The following ATL3 variants were observed in gnomAD, a reference collection of about 807,000 sequenced individuals.
ATL3 encodes the protein atlastin GTPase 3, also known as atlastin-3.
Under a neutral mutation model 69.5 loss-of-function variants are expected in ATL3, and 49 were observed. That is an observed-to-expected ratio of 0.71 (90% confidence interval 0.56 to 0.89). The LOEUF is 0.89. Ranked by LOEUF, ATL3 falls within the 40% of genes least tolerant of loss-of-function variation. The probability of loss-of-function intolerance (pLI) is 0.00; values close to 1 mark genes in which losing one functional copy is unlikely to be tolerated. For missense variants in ATL3, 606 were observed against 645.7 expected, an observed-to-expected ratio of 0.94 and a Z score of 0.67; for synonymous variants, 214 against 224.1, an observed-to-expected ratio of 0.95 and a Z score of 0.40.
rs752427656 is a variant in ATL3 at position 63,631,409 on chromosome 11, G to T, written c.1170C>A (p.Phe390Leu). ...TAAAATGGTCCAGAGCAAGTTGTTT[G>T]AATTCACAGTGCTTCTCCTCTAGAA... ...PDILEEKHCE[F>L]KQLALDHFKK... The change falls in exon 12 of 13, where the codon TTC becomes TTA. Residue 390 changes from phenylalanine to leucine, a missense_variant. Transcript: ENST00000398868. 1.2e-6 allele frequency: 2 copies of T among 1,614,104 alleles called. No homozygotes were observed. Among genetic ancestry groups the T allele is most frequent in the Non-Finnish European group, 1.7e-6 (2 of 1,180,030 alleles).
chr11:63,636,374 C>G (rs1365533845), intron 8 of ATL3, 40 bp from the exon 9 acceptor site: 1 of 1,612,556 alleles, frequency 6.2e-7, no homozygotes, highest in African/African-American at 1.3e-5. Context: ...ATAAGCCAAA[C>G]AGCCTTATTC....
At chr11:63,638,722 C>CA (rs1448949500) in intron 8 of ATL3, among the ~76,000 whole-genome samples, 6 of 143,072 alleles carry the variant, frequency 4.2e-5, no homozygotes, top group African/African-American at 1.0e-4. Flanking sequence ...AAAAACAAAA[C>CA]AAAACAAAAA....
intron 3 of ATL3, among the ~76,000 whole-genome samples, chr11:63,655,906 T>C (rs1183108199): frequency 6.6e-6 from 1 of 151,986 alleles, no homozygotes; most frequent in East Asian, 1.9e-4. Flanking sequence ...TTCAAGAAGC[T>C]CAACAAAACC....
At chr11:63,653,148 C>T (rs762721622) in intron 3 of ATL3, among the ~76,000 whole-genome samples, 1 of 151,840 alleles carries the variant, frequency 6.6e-6, no homozygotes, top group Non-Finnish European at 1.5e-5. Context: ...CTGGCCAACA[C>T]GGTGAAATCG....
At chr11:63,640,112 G>A (rs1565272877) in intron 8 of ATL3, among the ~76,000 whole-genome samples, 2 of 152,180 alleles carry the variant, frequency 1.3e-5, no homozygotes, top group East Asian at 3.9e-4. Flanking sequence ...ATTTTTAGTA[G>A]CGATGGGGTT....
At chr11:63,636,888 T>G (rs1939536496) in intron 8 of ATL3, among the ~76,000 whole-genome samples, 1 of 152,234 alleles carries the variant, frequency 6.6e-6, no homozygotes, top group African/African-American at 2.4e-5. Flanking sequence ...CTTCTCTAGT[T>G]CAAAATAGAA....
At chr11:63,639,008 T>C (rs1223425337) in intron 8 of ATL3, among the ~76,000 whole-genome samples, 2 of 152,232 alleles carry the variant, frequency 1.3e-5, no homozygotes, top group Admixed American at 6.5e-5. Flanking sequence ...CTCAGGCTAA[T>C]GTCTTTTCCA....
intron 7 of ATL3, 125 bp downstream of exon 7, chr11:63,644,044 A>C: frequency 1.6e-6 from 1 of 642,038 alleles, no homozygotes; most frequent in Non-Finnish European, 2.7e-6. Flanking sequence ...TTGTGTTAAG[A>C]TTCATATATA....
intron 1 of ATL3, among the ~76,000 whole-genome samples, chr11:63,661,929 C>A (rs1327611765): frequency 6.6e-6 from 1 of 150,400 alleles, no homozygotes; most frequent in South Asian, 2.1e-4. Flanking sequence ...GAAATTCATT[C>A]AGGCTAGACA....
At chr11:63,642,902 C>T (rs1031839677) in intron 8 of ATL3, among the ~76,000 whole-genome samples, 2 of 152,224 alleles carry the variant, frequency 1.3e-5, no homozygotes, top group South Asian at 4.1e-4. Context: ...GTCCCAACTA[C>T]GATTCCTCTC....
At position 63,629,327 on chromosome 11, in the gene ATL3, CT is replaced by C. The variant is rs1565266399; in HGVS notation, c.1617del (p.Ala540LeufsTer7). 1 of 1,613,834 alleles carries C rather than the reference CT, an allele frequency of 6.2e-7. No individual in the cohort carries two copies. Among genetic ancestry groups the C allele is most frequent in the Non-Finnish European group, 8.5e-7 (1 of 1,179,794 alleles). ...AVVGRPSMDK[K>X]AQ ...ATCTTCACGTTAAGATGCTATTGAGCTTTTTTATCCATGGATGGTCTTCCAA... is the reference window on the plus strand; with the variant it reads ...ATCTTCACGTTAAGATGCTATTGAGCTTTTTATCCATGGATGGTCTTCCAA... On this transcript the variant is annotated frameshift_variant, in exon 13 of 13. Coordinates refer to ENST00000398868, the MANE Select transcript of ATL3 (RefSeq NM_015459.5). LOFTEE classifies it high-confidence loss of function.
At position 63,671,159 on chromosome 11, in the gene ATL3, G is replaced by T. The variant is rs955582450; in HGVS notation, c.46+131C>A. Reference sequence around the variant, plus strand: ...ACAAATTCGGAAACCGAGTGACCCCGGCGAGGGACGCGCGGTCCCAGCCCC... The same window carrying T: ...ACAAATTCGGAAACCGAGTGACCCCTGCGAGGGACGCGCGGTCCCAGCCCC... On this transcript the variant is annotated intron_variant, in intron 1 of 12. Coordinates refer to ENST00000398868, the MANE Select transcript of ATL3 (RefSeq NM_015459.5). The T allele has an allele frequency of 2.4e-5, 33 of 1,402,330 alleles. 1 individual carries two copies. Among genetic ancestry groups the T allele is most frequent in the Middle Eastern group, 5.2e-4 (2 of 3,824 alleles). The allele number at this position is 1,402,330 out of a possible 1,614,324, so 86.9% of individuals were successfully genotyped here.
chr11:63,637,896 AC>A (rs1258429101), intron 8 of ATL3, among the ~76,000 whole-genome samples: 1 of 152,260 alleles, frequency 6.6e-6, no homozygotes, highest in African/African-American at 2.4e-5. Context: ...GTACACATTC[AC>A]ATTTGCTTTC....
chr11:63,633,220 G>T (rs1939385763), intron 10 of ATL3, 123 bp from the exon 11 acceptor site: 3 of 768,352 alleles, frequency 3.9e-6, no homozygotes, highest in Non-Finnish European at 6.4e-6. Context: ...TATTTTTCTA[G>T]ATTTCCATAT....
Position 63,658,813 on chromosome 11 carries a change from C to T in ATL3, c.353G>A (p.Gly118Glu). The change falls in exon 3 of 13, where the codon GGG (glycine) becomes GAG (glutamate). Residue 118 changes from glycine to glutamate, a missense_variant. Physicochemically the swap from Gly to Glu is moderately conservative, Grantham distance 98. Coordinates refer to ENST00000398868, the MANE Select transcript of ATL3 (RefSeq NM_015459.5). ...GAAAACTTCACTCCAGATTTGAATCCCAGTGGTTTCTGGATCAGATCCCCC... is the reference window on the plus strand; with the variant it reads ...GAAAACTTCACTCCAGATTTGAATCTCAGTGGTTTCTGGATCAGATCCCCC... Reference protein sequence around the residue: ...WRGGSDPETTGIQIWSEVFTV... With the variant: ...WRGGSDPETTEIQIWSEVFTV... 1 of 1,612,648 alleles carries T rather than the reference C, an allele frequency of 6.2e-7. No homozygotes were observed. The highest frequency in any genetic ancestry group is 1.3e-5 in the African/African-American group (1 of 74,982).
chr11:63,645,747 T>TTTTTA (rs746700016), intron 6 of ATL3, among the ~76,000 whole-genome samples: 3 of 151,686 alleles, frequency 2.0e-5, no homozygotes, highest in African/African-American at 4.8e-5. Flanking sequence ...GTGCACGACC[T>TTTTTA]TTTTATTTTA....
chr11:63,626,375 G>A lies in ATL3; in HGVS notation c.*2944C>T, dbSNP rs1486224956. The A allele has an allele frequency of 6.6e-6, 1 of 152,140 alleles. No homozygotes were observed. The highest frequency in any genetic ancestry group is 1.5e-5 in the Non-Finnish European group (1 of 68,046). The allele number at this position is 152,140 out of a possible 1,614,324, so 9.4% of individuals were successfully genotyped here. ...ACCTGGGCGACAGAGCGAGACCTCTGTCTCAAAAAATAAAATAAAATAAAA... is the reference window on the plus strand; with the variant it reads ...ACCTGGGCGACAGAGCGAGACCTCTATCTCAAAAAATAAAATAAAATAAAA... On this transcript the variant is annotated 3_prime_UTR_variant, in exon 13 of 13. Transcript: ENST00000398868.
chr11:63,625,469 A>G lies in ATL3; in HGVS notation c.*3850T>C, dbSNP rs1301821611. 6.6e-6 allele frequency: 1 copy of G among 152,234 alleles called. No individual in the cohort carries two copies. The highest frequency in any genetic ancestry group is 1.5e-5 in the Non-Finnish European group (1 of 68,044). The allele number at this position is 152,234 out of a possible 1,614,324, so 9.4% of individuals were successfully genotyped here. Reference sequence around the variant, plus strand: ...GTTTTAATTTTTAAAAAATTAAAAAATTAAAACTGTTTTATTGCTTTTGCA... The same window carrying G: ...GTTTTAATTTTTAAAAAATTAAAAAGTTAAAACTGTTTTATTGCTTTTGCA... On this transcript the variant is annotated 3_prime_UTR_variant, in exon 13 of 13. Transcript: ENST00000398868.
intron 6 of ATL3, among the ~76,000 whole-genome samples, chr11:63,645,903 G>C (rs1482066692): frequency 6.6e-6 from 1 of 152,002 alleles, no homozygotes; most frequent in Non-Finnish European, 1.5e-5. Context: ...GAGTAGCTAA[G>C]ATTACAGGCA....
Sources: gnomAD v4.1 joint callset for allele counts (sites outside exome capture counted in the v4.1 genomes callset) on GRCh38, gnomAD v4.1.1 for gene constraint, MANE v1.5 for transcripts, NCBI Gene and HGNC (gene_info 2026-07-23, HGNC 2026-07-21) for gene names.